Variants in ARFRP1 observed in about 807,000 individuals in gnomAD.
The protein encoded by ARFRP1 is ADP-ribosylation factor-related protein 1.
Under a neutral mutation model 30.3 loss-of-function variants are expected in ARFRP1, and 19 were observed. The observed-to-expected ratio is 0.63, with a 90% CI of 0.44 to 0.92. ARFRP1 has a LOEUF of 0.92. Ranked by LOEUF, ARFRP1 falls within the 40% of genes least tolerant of loss-of-function variation. The probability of loss-of-function intolerance (pLI) is 0.00; values close to 1 mark genes in which losing one functional copy is unlikely to be tolerated. For missense variants in ARFRP1, 245 were observed against 267.5 expected (o/e 0.92, Z 0.59); for synonymous variants, 133 against 114.2 (o/e 1.16, Z -1.05).
At position 63,706,328 on chromosome 20, in the gene ARFRP1, T is replaced by TG; in HGVS notation, c.264+28dup. 2 of 1,595,532 alleles carry TG rather than the reference T, an allele frequency of 1.3e-6. 1 individual carries two copies. Among genetic ancestry groups the TG allele is most frequent in the South Asian group, 2.2e-5 (2 of 90,638 alleles). On this transcript the variant is annotated intron_variant, in intron 4 of 7. Transcript: ENST00000622789. The stretch of plus-strand genomic sequence containing the variant: ...AAGAAGTGGCACTGGAGGGCTGGGG[T>TG]GGGGGTGGTCCTGGCCAGGGAGTCT...
Position 63,698,660 on chromosome 20 carries a change from A to G in ARFRP1, c.*1783T>C. On this transcript the variant is annotated 3_prime_UTR_variant, in exon 8 of 8. Coordinates refer to ENST00000622789, the MANE Select transcript of ARFRP1 (RefSeq NM_001267547.3). The stretch of plus-strand genomic sequence containing the variant: ...GAAGAAATGAGGTTTCTTAAAGCTT[A>G]TTTTTATAAAGCTTTTTCATAAAAC... 7.6e-7 allele frequency: 1 copy of G among 1,310,662 alleles called. No individual in the cohort carries two copies. Among genetic ancestry groups the G allele is most frequent in the South Asian group, 1.9e-5 (1 of 52,538 alleles). 81.2% of individuals were successfully genotyped at this position (1,310,662 alleles called of 1,614,324 possible).
chr20:63,700,312 A>G lies in ARFRP1; in HGVS notation c.*131T>C. 1.6e-5 allele frequency: 22 copies of G among 1,339,484 alleles called. No individual in the cohort carries two copies. Among genetic ancestry groups the G allele is most frequent in the Non-Finnish European group, 2.2e-5 (22 of 985,718 alleles). 83.0% of individuals were successfully genotyped at this position (1,339,484 alleles called of 1,614,324 possible). A position where few individuals can be genotyped will look rare whatever the true frequency, so the allele number is the denominator to read the frequency against. On this transcript the variant is annotated 3_prime_UTR_variant, in exon 8 of 8. Coordinates refer to ENST00000622789, the MANE Select transcript of ARFRP1 (RefSeq NM_001267547.3). ...AGACATAGAGGAAAGTTTGTCTTCG[A>G]GAAAACAAAGTAAATAGAAGAACCC...
rs1386497824 is a variant in ARFRP1, at chr20:63,700,385, A to G, written c.*58T>C. On this transcript the variant is annotated 3_prime_UTR_variant, in exon 8 of 8. Transcript: ENST00000622789. ...CCAGATCAGCAGCATGGGAGCCAAC[A>G]GGAGGCCACTCCTCCAGCACCAGGG... The G allele has an allele frequency of 3.8e-6, 6 of 1,596,700 alleles. No individual in the cohort carries two copies. Among genetic ancestry groups the G allele is most frequent in the Non-Finnish European group, 5.1e-6 (6 of 1,176,818 alleles).
intron 5 of ARFRP1, 72 bp downstream of exon 5, chr20:63,702,064 C>A: frequency 6.5e-7 from 1 of 1,532,366 alleles, no homozygotes; most frequent in Non-Finnish European, 8.9e-7. Flanking sequence ...CTGCCCCAGG[C>A]ACAGAGCTGC....
At chr20:63,701,720 C>A in intron 6 of ARFRP1, 110 bp downstream of exon 6, 1 of 1,015,950 alleles carries the variant, frequency 9.8e-7, no homozygotes, top group Non-Finnish European at 1.5e-6. Flanking sequence ...GGCTCTGTAC[C>A]CCCTGGGCAG....
At chr20:63,702,002 C>CG (rs2091232197) in intron 5 of ARFRP1, 102 bp from the exon 6 acceptor site, 10 of 377,300 alleles carry the variant, frequency 2.7e-5, no homozygotes, top group Admixed American at 1.0e-4. Flanking sequence ...CCCTCTGCCC[C>CG]CCCCCCCCCC....
intron 5 of ARFRP1, 101 bp downstream of exon 5, chr20:63,702,035 T>G: frequency 1.2e-6 from 1 of 829,786 alleles, no homozygotes; most frequent in Non-Finnish European, 1.8e-6. Flanking sequence ...GCAGGAGCAC[T>G]TCTGACCAGA....
rs770198881 is a variant in ARFRP1, at chr20:63,701,884, G to A, written c.363C>T (p.Ser121=). The change falls in exon 6 of 8, where the codon AGC becomes AGT. Residue 121 remains serine (S), a synonymous_variant. Coordinates refer to ENST00000622789, the MANE Select transcript of ARFRP1 (RefSeq NM_001267547.3). ...AGACGGGGACACCGCACAGCGCCTC[G>A]CTGGTCACCACCTTCTCTGGGGAGG... The part of the protein sequence containing the change: ...SKQAFEKVVT[S]EALCGVPVLV... The A allele has an allele frequency of 1.0e-5, 16 of 1,550,004 alleles. No homozygotes were observed. Among genetic ancestry groups the A allele is most frequent in the Middle Eastern group, 1.7e-4 (1 of 5,932 alleles).
At chr20:63,706,918 G>A in intron 2 of ARFRP1, 81 bp downstream of exon 2, 5 of 1,532,396 alleles carry the variant, frequency 3.3e-6, no homozygotes, top group Non-Finnish European at 4.5e-6. Flanking sequence ...TCTGGGTAGT[G>A]AACGTGCAGC....
At chr20:63,700,849 C>A in intron 6 of ARFRP1, 147 bp from the exon 7 acceptor site, 2 of 1,099,500 alleles carry the variant, frequency 1.8e-6, no homozygotes, top group Non-Finnish European at 2.6e-6. Context: ...ACAGAGACCA[C>A]AGCAGTGAGG....
intron 5 of ARFRP1, 98 bp from the exon 6 acceptor site, chr20:63,701,998 G>GGGC: frequency 3.4e-6 from 2 of 583,914 alleles, no homozygotes; most frequent in Admixed American, 4.0e-5. Flanking sequence ...CACTCCCTCT[G>GGGC]CCCCCCCCCC....
chr20:63,701,104 G>A (rs559751505), intron 6 of ARFRP1: 1 of 405,252 alleles, frequency 2.5e-6, no homozygotes, highest in African/African-American at 2.1e-5. Context: ...CAGTCATGGT[G>A]GCTTCTGCTC....
In ARFRP1 at chr20:63,698,745, C is replaced by A; in HGVS notation, c.*1698G>T. The A allele has an allele frequency of 3.0e-6, 2 of 663,162 alleles. No homozygotes were observed. Among genetic ancestry groups the A allele is most frequent in the Non-Finnish European group, 4.5e-6 (2 of 440,280 alleles). 41.1% of individuals were successfully genotyped at this position (663,162 alleles called of 1,614,324 possible). ...GGGGACACCTGAGCCGCCCGCTGTG[C>A]CCAGATCCCTCAGGCTGCCTGCCAT... is the stretch of plus-strand genomic sequence containing the variant. On this transcript the variant is annotated 3_prime_UTR_variant, in exon 8 of 8. Transcript: ENST00000622789.
intron 1 of ARFRP1, 174 bp from the exon 2 acceptor site, chr20:63,707,271 G>A (rs940758493): frequency 1.6e-6 from 1 of 609,402 alleles, no homozygotes; most frequent in South Asian, 1.9e-5. Flanking sequence ...CTTCTCCCAG[G>A]TCAGCCGCCA....
At position 63,702,222 on chromosome 20, in the gene ARFRP1, G is replaced by C; in HGVS notation, c.265-5C>G. 6.2e-7 allele frequency: 1 copy of C among 1,611,318 alleles called. No individual in the cohort carries two copies. Among genetic ancestry groups the C allele is most frequent in the Non-Finnish European group, 8.5e-7 (1 of 1,179,416 alleles). ...GCCGTGACACTCCGCATAATACTGGGAGGAAGCACCAGGAGTTGGGGCTCA... is the reference window on the plus strand; with the variant it reads ...GCCGTGACACTCCGCATAATACTGGCAGGAAGCACCAGGAGTTGGGGCTCA... On this transcript the variant is annotated splice_region_variant and splice_polypyrimidine_tract_variant and intron_variant, in intron 4 of 7. Transcript: ENST00000622789.
Position 63,698,729 on chromosome 20 carries a change from T to C in ARFRP1, c.*1714A>G. On this transcript the variant is annotated 3_prime_UTR_variant, in exon 8 of 8. Coordinates refer to ENST00000622789, the MANE Select transcript of ARFRP1 (RefSeq NM_001267547.3). ...TACTGGGAGGGCAGCCGGGGACACC[T>C]GAGCCGCCCGCTGTGCCCAGATCCC... 1.2e-6 allele frequency: 1 copy of C among 816,816 alleles called. No individual in the cohort carries two copies. Among genetic ancestry groups the C allele is most frequent in the Non-Finnish European group, 1.7e-6 (1 of 574,564 alleles). The allele number at this position is 816,816 out of a possible 1,614,324, so 50.6% of individuals were successfully genotyped here.
At chr20:63,706,465 G>T (rs759753683) in intron 3 of ARFRP1, 26 bp from the exon 4 acceptor site, 19 of 1,608,660 alleles carry the variant, frequency 1.2e-5, no homozygotes, top group Non-Finnish European at 1.5e-5. Flanking sequence ...AACAGGCAAG[G>T]CTCATGACCT....
rs11547196 is a variant in ARFRP1 at position 63,706,399 on chromosome 20, C to A, written c.222G>T (p.Trp74Cys). The change falls in exon 4 of 8, where the codon TGG (tryptophan) becomes TGT (cysteine). Residue 74 changes from tryptophan to cysteine, a missense_variant. Transcript: ENST00000622789. The stretch of plus-strand genomic sequence containing the variant: ...GCAGCTCTTCCTGCCCTCCTAAGTC[C>A]CAGAACATGAGCCGAGCCTTTCCCA... The part of the protein sequence containing the change: ...VDVGKARLMF[W>C]DLGGQEELQS... 6.2e-7 allele frequency: 1 copy of A among 1,613,432 alleles called. No individual in the cohort carries two copies. The highest frequency in any genetic ancestry group is 8.5e-7 in the Non-Finnish European group (1 of 1,179,998).
chr20:63,705,836 G>A (rs773869895), intron 4 of ARFRP1: 51 of 496,386 alleles, frequency 1.0e-4, no homozygotes, highest in Non-Finnish European at 2.9e-5. Context: ...CTTGGCCAGC[G>A]AGGTTGCCCT....
Sources: gnomAD v4.1 joint callset for allele counts on GRCh38, gnomAD v4.1.1 for gene constraint, MANE v1.5 for transcripts, NCBI Gene and HGNC (gene_info 2026-07-23, HGNC 2026-07-21) for gene names.